GRIK3: variants seen among roughly 807,000 people sequenced by gnomAD.
GRIK3 encodes the protein glutamate receptor ionotropic, kainate 3.
Under a neutral mutation model 102.5 loss-of-function variants are expected in GRIK3, and 29 were observed. The ratio of observed to expected loss-of-function variants is 0.28; its 90% CI spans 0.21 to 0.39. The LOEUF (loss-of-function observed/expected upper bound fraction) is 0.39, where lower values mean the gene tolerates loss of function less well. Among genes scored for constraint, GRIK3 ranks in the 10% least tolerant of loss-of-function variants. The pLI is 1.00. For synonymous variants in GRIK3, 511 were observed against 504.9 expected (o/e 1.01, Z -0.16); for missense variants, 908 against 1,252.4 (o/e 0.73, Z 4.15).
chr1:36,865,806 C>T (rs1283838985), intron 5 of GRIK3, among the ~76,000 whole-genome samples: 1 of 152,206 alleles, frequency 6.6e-6, no homozygotes, highest in Non-Finnish European at 1.5e-5. Flanking sequence ...GGTTTCCCCA[C>T]CAGTCAATGG....
chr1:36,970,989 G>A (rs2124357226), intron 1 of GRIK3, among the ~76,000 whole-genome samples: 1 of 152,338 alleles, frequency 6.6e-6, no homozygotes, highest in Admixed American at 6.5e-5. Context: ...GGGGAGCCAT[G>A]CAAAGCTGTG....
intron 1 of GRIK3, among the ~76,000 whole-genome samples, chr1:36,949,247 C>T (rs1641816429): frequency 6.6e-6 from 1 of 152,166 alleles, no homozygotes; most frequent in Non-Finnish European, 1.5e-5. Flanking sequence ...GAACCTTGAC[C>T]TTAAACTCTA....
chr1:36,835,996 C>T lies in GRIK3; in HGVS notation c.1530+5740G>A, dbSNP rs116644725. Reference sequence around the variant, plus strand: ...AGGGCTCCACAGTCATTGCTCTGGGCAACCTGGCTGCTCCAACAGGAGTCC... The same window carrying T: ...AGGGCTCCACAGTCATTGCTCTGGGTAACCTGGCTGCTCCAACAGGAGTCC... On this transcript the variant is annotated intron_variant, in intron 10 of 15. Transcript: ENST00000373091. Among the ~76,000 whole-genome samples the T allele has an allele frequency of 5.8e-3, 884 of 152,320 alleles. 10 individuals carry two copies. The highest frequency in any genetic ancestry group is 0.02 in the African/African-American group (842 of 41,580).
rs1476181634 is a variant in GRIK3 at position 36,795,876 on chromosome 1, G to C, written c.*5975C>G. On this transcript the variant is annotated 3_prime_UTR_variant, in exon 16 of 16. Coordinates refer to ENST00000373091, the MANE Select transcript of GRIK3 (RefSeq NM_000831.4). The stretch of plus-strand genomic sequence containing the variant: ...CAGGTCTAGGGTCTCAGAGGCCCAT[G>C]GTGCTCCCTGGGGGCTCAGCCCAGA... 2 of 152,206 alleles carry C rather than the reference G, an allele frequency of 1.3e-5. No individual in the cohort carries two copies. Among genetic ancestry groups the C allele is most frequent in the Admixed American group, 1.3e-4 (2 of 15,284 alleles). 9.4% of individuals were successfully genotyped at this position (152,206 alleles called of 1,614,324 possible).
chr1:36,968,703 G>A (rs771839646), intron 1 of GRIK3, among the ~76,000 whole-genome samples: 13 of 152,170 alleles, frequency 8.5e-5, no homozygotes, highest in East Asian at 7.7e-4. Flanking sequence ...ACAGCTCCAC[G>A]TGGGGCAAGG....
At chr1:36,983,502 C>A (rs1018976937) in intron 1 of GRIK3, among the ~76,000 whole-genome samples, 6 of 152,098 alleles carry the variant, frequency 3.9e-5, no homozygotes, top group African/African-American at 1.4e-4. Context: ...CTCTCCACGT[C>A]TTTATTCCTC....
intron 1 of GRIK3, among the ~76,000 whole-genome samples, chr1:36,920,162 T>C (rs1227833946): frequency 6.6e-6 from 1 of 152,206 alleles, no homozygotes. Context: ...TCTTGCCCTG[T>C]CTGGCTCACT....
chr1:36,907,119 C>T (rs1641291930), intron 1 of GRIK3, among the ~76,000 whole-genome samples: 1 of 152,108 alleles, frequency 6.6e-6, no homozygotes, highest in Non-Finnish European at 1.5e-5. Context: ...GTAGTCTCTA[C>T]TTGTTCTGGG....
At chr1:37,009,463 C>G (rs1190208699) in intron 1 of GRIK3, among the ~76,000 whole-genome samples, 1 of 152,234 alleles carries the variant, frequency 6.6e-6, no homozygotes, top group South Asian at 2.1e-4. Flanking sequence ...GCTCAACTCC[C>G]AGGGAGCTCG....
At chr1:36,812,333 G>A (rs145160706) in intron 13 of GRIK3, among the ~76,000 whole-genome samples, 7 of 152,136 alleles carry the variant, frequency 4.6e-5, no homozygotes, top group South Asian at 4.1e-4. Context: ...TTCCTAAGCC[G>A]CTATCCCTCT....
chr1:36,909,155 C>T lies in GRIK3; in HGVS notation c.116-18059G>A, dbSNP rs1176042004. Reference sequence around the variant, plus strand: ...ACCAAAGCCAGTGACGTGCTGCAGCCGGCTAGTACCAGCTTTCAGGAGCCA... The same window carrying T: ...ACCAAAGCCAGTGACGTGCTGCAGCTGGCTAGTACCAGCTTTCAGGAGCCA... On this transcript the variant is annotated intron_variant, in intron 1 of 15. Transcript: ENST00000373091. Among the ~76,000 whole-genome samples, 7 of 152,244 alleles carry T rather than the reference C, an allele frequency of 4.6e-5. No homozygotes were observed. In the East Asian group the frequency reaches 1.4e-3, roughly 29 times the overall value.
intron 1 of GRIK3, among the ~76,000 whole-genome samples, chr1:36,976,841 G>A (rs902725128): frequency 3.3e-5 from 5 of 152,054 alleles, no homozygotes; most frequent in Non-Finnish European, 7.4e-5. Context: ...TGGGCTGATC[G>A]ATCCCCTCCC....
chr1:36,842,070 G>A (rs888580670), intron 9 of GRIK3, 131 bp from the exon 10 acceptor site: 3 of 747,350 alleles, frequency 4.0e-6, no homozygotes, highest in African/African-American at 1.7e-5. Context: ...TAGACAAAGG[G>A]CCCGTGAAGT....
At chr1:36,969,625 A>T (rs1330942438) in intron 1 of GRIK3, among the ~76,000 whole-genome samples, 1 of 152,236 alleles carries the variant, frequency 6.6e-6, no homozygotes, top group African/African-American at 2.4e-5. Flanking sequence ...GGTGTGCATG[A>T]TGAGGAAAGA....
chr1:36,959,985 CCTCTGTGCCCCGTGAGT>C (rs1641985755), intron 1 of GRIK3, among the ~76,000 whole-genome samples: 1 of 96,600 alleles, frequency 1.0e-5, no homozygotes, highest in South Asian at 4.1e-4. Context: ...GCCCCATGAG[CCTCTGTGCCCCGTGAGT>C]CTGTGTGCCC....
chr1:37,010,473 A>G (rs952796317), intron 1 of GRIK3, among the ~76,000 whole-genome samples: 2 of 152,176 alleles, frequency 1.3e-5, no homozygotes, highest in African/African-American at 4.8e-5. Flanking sequence ...GCCGGGATTC[A>G]AATCCAGTGA....
intron 1 of GRIK3, among the ~76,000 whole-genome samples, chr1:36,989,484 A>G (rs1337007764): frequency 6.6e-6 from 1 of 152,214 alleles, no homozygotes; most frequent in Non-Finnish European, 1.5e-5. Flanking sequence ...GCAGTGTGCG[A>G]AGGAGGTCAA....
At chr1:36,879,156 G>T (rs1486229814) in intron 3 of GRIK3, among the ~76,000 whole-genome samples, 2 of 151,996 alleles carry the variant, frequency 1.3e-5, no homozygotes, top group Non-Finnish European at 2.9e-5. Flanking sequence ...TGGCTATGTT[G>T]TCCCGTTTGT....
intron 10 of GRIK3, among the ~76,000 whole-genome samples, chr1:36,833,415 G>A (rs889510185): frequency 2.0e-5 from 3 of 152,190 alleles, no homozygotes; most frequent in Non-Finnish European, 4.4e-5. Context: ...AGGTCCTGGT[G>A]AATCCTCAGC....
Sources: allele counts gnomAD v4.1 joint callset (sites outside exome capture counted in the v4.1 genomes callset), GRCh38; gene constraint gnomAD v4.1.1; transcripts MANE v1.5; gene names NCBI Gene and HGNC (gene_info 2026-07-23, HGNC 2026-07-21).